Variants in CDK8 observed in about 807,000 individuals in gnomAD.
CDK8 encodes the protein cyclin dependent kinase 8, also known as cyclin-dependent kinase 8.
A neutral mutation model predicts 71.5 loss-of-function variants in CDK8; 29 were observed. The ratio of observed to expected loss-of-function variants is 0.41; its 90% CI spans 0.30 to 0.55. The LOEUF (loss-of-function observed/expected upper bound fraction) is 0.55. Among genes scored for constraint, CDK8 ranks in the 20% least tolerant of loss-of-function variants. The pLI is 0.37. For synonymous variants in CDK8, 161 were observed against 192.1 expected (o/e 0.84, Z 1.34); for missense variants, 288 against 572.6 (o/e 0.50, Z 5.07).
intron 2 of CDK8, among the ~76,000 whole-genome samples, chr13:26,347,032 G>T (rs1873487281): frequency 6.6e-6 from 1 of 152,154 alleles, no homozygotes; most frequent in South Asian, 2.1e-4. Context: ...TGTTTTAACT[G>T]ATAAAGACAT....
intron 12 of CDK8, among the ~76,000 whole-genome samples, chr13:26,403,647 C>G (rs1269957086): frequency 6.6e-6 from 1 of 151,964 alleles, no homozygotes; most frequent in Non-Finnish European, 1.5e-5. Context: ...GGGTAAACAT[C>G]TCAAGCAAAT....
chr13:26,350,649 C>G (rs1287963840), intron 3 of CDK8, among the ~76,000 whole-genome samples: 1 of 152,108 alleles, frequency 6.6e-6, no homozygotes, highest in Non-Finnish European at 1.5e-5. Flanking sequence ...CCAGGCTGGT[C>G]TCTTAACTCC....
chr13:26,255,150 C>G (rs1294680496), intron 1 of CDK8, among the ~76,000 whole-genome samples: 3 of 152,014 alleles, frequency 2.0e-5, no homozygotes, highest in African/African-American at 7.3e-5. Flanking sequence ...TCCTCACCCG[C>G]CTCTGGAGTG....
chr13:26,368,380 A>G (rs1435500194), intron 4 of CDK8, among the ~76,000 whole-genome samples: 2 of 152,190 alleles, frequency 1.3e-5, no homozygotes, highest in Non-Finnish European at 1.5e-5. Context: ...ATTCCTCAAT[A>G]TCTTCCCACC....
chr13:26,358,879 T>C (rs577999348), intron 4 of CDK8: 120 of 168,526 alleles, frequency 7.1e-4, no homozygotes, highest in Middle Eastern at 2.5e-3. Context: ...AAGCAAAAAT[T>C]AGCTGGGTGT....
At chr13:26,380,386 G>T (rs749806416) in intron 4 of CDK8, among the ~76,000 whole-genome samples, 18 of 152,234 alleles carry the variant, frequency 1.2e-4, no homozygotes, top group Admixed American at 2.0e-4. Flanking sequence ...TTATCATGTT[G>T]TTCAGGCTAG....
chr13:26,329,483 G>GTTTTTTTTTTTTTTTTTTT (rs543441898), intron 1 of CDK8, among the ~76,000 whole-genome samples: 3 of 128,492 alleles, frequency 2.3e-5, no homozygotes, highest in Non-Finnish European at 4.7e-5. Flanking sequence ...TTTTTTTTTT[G>GTTTTTTTTTTTTTTTTTTT]TTTTTTTTTT....
chr13:26,353,441 G>A (rs1394478918), intron 3 of CDK8, among the ~76,000 whole-genome samples: 3 of 150,836 alleles, frequency 2.0e-5, no homozygotes, highest in Non-Finnish European at 4.4e-5. Flanking sequence ...CAGGAATCAA[G>A]TATACTCTGA....
intron 1 of CDK8, among the ~76,000 whole-genome samples, chr13:26,293,383 G>T (rs536851464): frequency 2.6e-5 from 4 of 152,074 alleles, no homozygotes; most frequent in African/African-American, 9.6e-5. Context: ...CGGGTGGATT[G>T]CCTGAGCTCA....
At chr13:26,343,623 G>A (rs1416772891) in intron 2 of CDK8, among the ~76,000 whole-genome samples, 1 of 152,168 alleles carries the variant, frequency 6.6e-6, no homozygotes, top group African/African-American at 2.4e-5. Flanking sequence ...ACGTTGCTCA[G>A]GGTATCAGTG....
At chr13:26,305,276 T>C (rs1247697970) in intron 1 of CDK8, among the ~76,000 whole-genome samples, 1 of 152,212 alleles carries the variant, frequency 6.6e-6, no homozygotes, top group Non-Finnish European at 1.5e-5. Context: ...ATTTTAAAGA[T>C]ATTCTTATCC....
At chr13:26,334,417 G>C (rs1872891430) in intron 1 of CDK8, among the ~76,000 whole-genome samples, 1 of 152,122 alleles carries the variant, frequency 6.6e-6, no homozygotes, top group African/African-American at 2.4e-5. Context: ...GTGTCTAATA[G>C]ACTATTCTGA....
intron 3 of CDK8, among the ~76,000 whole-genome samples, chr13:26,350,392 TG>T (rs760184926): frequency 5.9e-5 from 9 of 152,100 alleles, no homozygotes; most frequent in Non-Finnish European, 1.2e-4. Flanking sequence ...CCCAACACTT[TG>T]GGAGGCCAAG....
intron 1 of CDK8, among the ~76,000 whole-genome samples, chr13:26,269,093 C>G (rs1258548334): frequency 6.6e-6 from 1 of 152,166 alleles, no homozygotes; most frequent in African/African-American, 2.4e-5. Context: ...CTTTCTGTTG[C>G]CAGTAGAATT....
At chr13:26,337,520 CATAA>C in intron 1 of CDK8, 43 bp from the exon 2 acceptor site, 1 of 732,218 alleles carries the variant, frequency 1.4e-6, no homozygotes, top group Non-Finnish European at 2.1e-6. Context: ...TAAAAATGCA[CATAA>C]ATATAGATTT....
Position 26,397,245 on chromosome 13 carries a change from A to G in CDK8, c.933+20A>G, listed in dbSNP as rs1192171336. On this transcript the variant is annotated intron_variant, in intron 9 of 12. Coordinates refer to ENST00000381527, the MANE Select transcript of CDK8 (RefSeq NM_001260.3). Reference sequence around the variant, plus strand: ...CACTTGGTAAGCATTGGTTAACAGTATTAATGAAATGCATTTTTTCCTTAA... The same window carrying G: ...CACTTGGTAAGCATTGGTTAACAGTGTTAATGAAATGCATTTTTTCCTTAA... 4 of 1,481,040 alleles carry G rather than the reference A, an allele frequency of 2.7e-6. No individual in the cohort carries two copies. In the South Asian group the frequency reaches 4.7e-5, roughly 18 times the overall value. 91.7% of individuals were successfully genotyped at this position (1,481,040 alleles called of 1,614,324 possible).
chr13:26,345,034 C>T (rs978994985), intron 2 of CDK8, among the ~76,000 whole-genome samples: 2 of 151,998 alleles, frequency 1.3e-5, no homozygotes, highest in Non-Finnish European at 2.9e-5. Context: ...GTATGTATAC[C>T]AGCATCACCA....
chr13:26,382,918 T>C, intron 5 of CDK8, 47 bp downstream of exon 5: 1 of 1,281,196 alleles, frequency 7.8e-7, no homozygotes, highest in Non-Finnish European at 1.1e-6. Context: ...TTTTTAAAAC[T>C]TTTGCAGGCA....
In CDK8 at chr13:26,403,095, G is replaced by GAGA. The variant is rs112140228; in HGVS notation, c.1270-859_1270-857dup. Among the ~76,000 whole-genome samples the GAGA allele has an allele frequency of 8.4e-3, 1,285 of 152,286 alleles. 18 individuals are homozygous for GAGA. The highest frequency in any genetic ancestry group is 0.028 in the African/African-American group (1,166 of 41,558). On this transcript the variant is annotated intron_variant, in intron 12 of 12. Coordinates refer to ENST00000381527, the MANE Select transcript of CDK8 (RefSeq NM_001260.3). ...ATAATAATCTAACATATCAAAATTA[G>GAGA]AGAACCCCAAACCATCACATTCTTT...
Sources: allele counts gnomAD v4.1 joint callset (sites outside exome capture counted in the v4.1 genomes callset), GRCh38; gene constraint gnomAD v4.1.1; transcripts MANE v1.5; gene names NCBI Gene and HGNC (gene_info 2026-07-23, HGNC 2026-07-21).